The following SLC24A2 variants were observed in gnomAD, a reference collection of about 807,000 sequenced individuals.
SLC24A2 encodes solute carrier family 24 member 2, also known as sodium/potassium/calcium exchanger 2.
Under a neutral mutation model 62.0 loss-of-function variants are expected in SLC24A2, and 36 were observed. The observed-to-expected ratio is 0.58, with a 90% CI of 0.44 to 0.77. The LOEUF (loss-of-function observed/expected upper bound fraction) is 0.77. Among genes scored for constraint, SLC24A2 ranks in the 30% least tolerant of loss-of-function variants. SLC24A2 has a pLI of 0.00. For missense variants in SLC24A2, 846 were observed against 817.9 expected (o/e 1.03, Z -0.42); for synonymous variants, 358 against 294.0 (o/e 1.22, Z -2.23).
intron 2 of SLC24A2, among the ~76,000 whole-genome samples, chr9:19,662,558 C>T (rs937877056): frequency 3.3e-5 from 5 of 152,216 alleles, no homozygotes; most frequent in Admixed American, 2.6e-4. Flanking sequence ...ATCTCCTCAA[C>T]TAATTTACAA....
chr9:19,991,781 A>C, the SLC24A2 span, among the ~76,000 whole-genome samples: 2,044 of 152,326 alleles, frequency 0.013, 38 homozygotes, highest in African/African-American at 0.042. Context: ...TTCGGAAAAT[A>C]AGTCAGTGGT....
At chr9:19,693,791 T>C (rs1183695003) in intron 2 of SLC24A2, among the ~76,000 whole-genome samples, 4 of 152,064 alleles carry the variant, frequency 2.6e-5, no homozygotes, top group Non-Finnish European at 5.9e-5. Context: ...CTTTATTTAT[T>C]TATTTATTTT....
the SLC24A2 span, among the ~76,000 whole-genome samples, chr9:19,831,401 C>A: frequency 6.6e-6 from 1 of 152,174 alleles, no homozygotes; most frequent in Non-Finnish European, 1.5e-5. Context: ...CACTCTCACT[C>A]TTTAACTATC....
intron 2 of SLC24A2, among the ~76,000 whole-genome samples, chr9:19,710,560 G>A (rs1325168338): frequency 2.0e-5 from 3 of 152,170 alleles, no homozygotes; most frequent in Non-Finnish European, 4.4e-5. Context: ...GAACACAAAT[G>A]TTCAGGTGCT....
the SLC24A2 span, among the ~76,000 whole-genome samples, chr9:20,015,530 A>G: frequency 6.6e-6 from 1 of 152,172 alleles, no homozygotes. Flanking sequence ...CCGCTTTCCA[A>G]TTCTCATGCA....
At chr9:19,833,666 C>T in the SLC24A2 span, among the ~76,000 whole-genome samples, 1 of 152,222 alleles carries the variant, frequency 6.6e-6, no homozygotes, top group African/African-American at 2.4e-5. Context: ...CACAGACAAA[C>T]AAAAGACAGC....
the SLC24A2 span, among the ~76,000 whole-genome samples, chr9:19,997,297 G>T: frequency 6.6e-6 from 1 of 152,082 alleles, no homozygotes; most frequent in East Asian, 1.9e-4. Context: ...AAGAGAAAGA[G>T]AGAAATTAGA....
At chr9:20,197,844 A>G in the SLC24A2 span, among the ~76,000 whole-genome samples, 1 of 152,226 alleles carries the variant, frequency 6.6e-6, no homozygotes, top group Non-Finnish European at 1.5e-5. Context: ...AAAGAGACCA[A>G]TATCATTTCT....
At chr9:19,771,629 A>C (rs1215070759) in intron 2 of SLC24A2, among the ~76,000 whole-genome samples, 2 of 152,192 alleles carry the variant, frequency 1.3e-5, no homozygotes, top group East Asian at 3.8e-4. Context: ...CACAAGCTAG[A>C]AACGAGAGCG....
At chr9:19,608,469 G>A (rs980659270) in intron 4 of SLC24A2, among the ~76,000 whole-genome samples, 1 of 152,134 alleles carries the variant, frequency 6.6e-6, no homozygotes, top group Non-Finnish European at 1.5e-5. Context: ...AGCCTTTACA[G>A]AACAGACAGA....
At chr9:19,875,182 T>C in the SLC24A2 span, among the ~76,000 whole-genome samples, 1 of 152,196 alleles carries the variant, frequency 6.6e-6, no homozygotes, top group South Asian at 2.1e-4. Context: ...GAACAAGCTT[T>C]CCTTTTCTCT....
chr9:19,543,724 A>G (rs1834401843), intron 8 of SLC24A2, among the ~76,000 whole-genome samples: 1 of 152,098 alleles, frequency 6.6e-6, no homozygotes, highest in African/African-American at 2.4e-5. Context: ...TTCAATTTCC[A>G]TGTAGTTGTG....
At chr9:20,168,774 G>A in the SLC24A2 span, among the ~76,000 whole-genome samples, 1 of 151,998 alleles carries the variant, frequency 6.6e-6, no homozygotes, top group Non-Finnish European at 1.5e-5. Context: ...AAATGATGCA[G>A]CCACTGTGGA....
At chr9:20,187,668 G>T in the SLC24A2 span, among the ~76,000 whole-genome samples, 10 of 152,298 alleles carry the variant, frequency 6.6e-5, no homozygotes, top group East Asian at 1.9e-4. Flanking sequence ...CTGTCCAGGG[G>T]TCACTTCCTC....
the SLC24A2 span, among the ~76,000 whole-genome samples, chr9:20,080,432 A>G: frequency 6.6e-6 from 1 of 152,216 alleles, no homozygotes; most frequent in East Asian, 1.9e-4. Flanking sequence ...ATATGTAGAA[A>G]GCTGAAACTG....
In SLC24A2 at chr9:19,565,819, T is replaced by C. The variant is rs182400081; in HGVS notation, c.1347+7532A>G. 8.6e-4 allele frequency among the ~76,000 whole-genome samples: 131 copies of C among 152,156 alleles called. 1 individual carries two copies. Among genetic ancestry groups the C allele is most frequent in the African/African-American group, 3.0e-3 (125 of 41,444 alleles). ...CCCCACTAATAATACCACACATCTA[T>C]AACCATCTGATCTTTGACAAACATG... On this transcript the variant is annotated intron_variant, in intron 7 of 10. Transcript: ENST00000341998.
the SLC24A2 span, among the ~76,000 whole-genome samples, chr9:19,883,864 G>A: frequency 0.017 from 2,629 of 152,140 alleles, 69 homozygotes; most frequent in African/African-American, 0.053. Context: ...AGGCTCCTCC[G>A]ACTCTATCAC....
the SLC24A2 span, among the ~76,000 whole-genome samples, chr9:19,846,408 G>T: frequency 6.6e-6 from 1 of 152,064 alleles, no homozygotes; most frequent in Non-Finnish European, 1.5e-5. Context: ...ACAATAATAA[G>T]GACACTTGTT....
the SLC24A2 span, among the ~76,000 whole-genome samples, chr9:20,159,054 T>A: frequency 6.6e-6 from 1 of 151,518 alleles, no homozygotes; most frequent in Non-Finnish European, 1.5e-5. Context: ...AATAGCAACA[T>A]AAAACAAAAT....
Sources: allele counts gnomAD v4.1 joint callset (sites outside exome capture counted in the v4.1 genomes callset), GRCh38; gene constraint gnomAD v4.1.1; transcripts MANE v1.5; gene names NCBI Gene and HGNC (gene_info 2026-07-23, HGNC 2026-07-21).